Variants in DLC1 observed in about 807,000 individuals in gnomAD.
DLC1 encodes DLC1 Rho GTPase activating protein, also known as rho GTPase-activating protein 7.
A neutral mutation model predicts 140.3 loss-of-function variants in DLC1; 54 were observed. The observed-to-expected ratio is 0.38, with a 90% confidence interval of 0.31 to 0.48. DLC1 has a LOEUF of 0.48. Ranked by LOEUF, DLC1 falls within the 20% of genes least tolerant of loss-of-function variation. The pLI, the probability that DLC1 is intolerant of heterozygous loss-of-function variation, is 0.96. For missense variants in DLC1, 2,536 were observed against 1,907.0 expected, an observed-to-expected ratio of 1.33 and a Z score of -6.14; for synonymous variants, 986 against 728.1, an observed-to-expected ratio of 1.35 and a Z score of -5.70.
intron 5 of DLC1, among the ~76,000 whole-genome samples, chr8:13,256,780 T>G (rs1461600259): frequency 6.6e-6 from 1 of 151,606 alleles, no homozygotes. Context: ...CATGCAGATC[T>G]TAAACCCTAG....
intron 5 of DLC1, among the ~76,000 whole-genome samples, chr8:13,142,980 T>C (rs1261566245): frequency 6.6e-6 from 1 of 151,420 alleles, no homozygotes; most frequent in Non-Finnish European, 1.5e-5. Context: ...ACACCAGAGG[T>C]TGCGGTGAGC....
At chr8:13,402,793 T>G (rs1837357617) in intron 2 of DLC1, among the ~76,000 whole-genome samples, 1 of 152,220 alleles carries the variant, frequency 6.6e-6, no homozygotes, top group South Asian at 2.1e-4. Context: ...TTGCCATTTA[T>G]TTTAATCCTT....
At chr8:13,548,478 G>T (rs1803729699) in intron 1 of DLC1, among the ~76,000 whole-genome samples, 1 of 152,012 alleles carries the variant, frequency 6.6e-6, no homozygotes, top group African/African-American at 2.4e-5. Context: ...TAGGTATGCA[G>T]ATGATAAATA....
At chr8:13,479,862 A>G (rs1346096199) in intron 2 of DLC1, among the ~76,000 whole-genome samples, 475 of 46,454 alleles carry the variant, frequency 0.01, 48 homozygotes, top group Non-Finnish European at 0.023. Context: ...AGAAGAAGAG[A>G]AAAAGAAAGA....
intron 5 of DLC1, among the ~76,000 whole-genome samples, chr8:13,295,821 T>G (rs1337583267): frequency 6.6e-6 from 1 of 152,010 alleles, no homozygotes; most frequent in East Asian, 1.9e-4. Context: ...ACTTTTCTTG[T>G]GGGTACGTAT....
rs189663553 is a variant in DLC1, at chr8:13,159,789, C to A, written c.1349-44132G>T. ...ATGTTCTTCCAGGGAGTGTGTGAATCTGAAGGGCAAGTGGCAAGAAGCAAG... is the reference window on the plus strand; with the variant it reads ...ATGTTCTTCCAGGGAGTGTGTGAATATGAAGGGCAAGTGGCAAGAAGCAAG... On this transcript the variant is annotated intron_variant, in intron 5 of 17. Coordinates refer to ENST00000276297, the MANE Select transcript of DLC1 (RefSeq NM_182643.3). Among the ~76,000 whole-genome samples the A allele has an allele frequency of 2.4e-3, 362 of 150,074 alleles. 3 individuals are homozygous for A. Among genetic ancestry groups the A allele is most frequent in the Middle Eastern group, 3.4e-3 (1 of 290 alleles).
intron 5 of DLC1, among the ~76,000 whole-genome samples, chr8:13,200,721 C>G (rs1827332903): frequency 6.6e-6 from 1 of 152,018 alleles, no homozygotes; most frequent in African/African-American, 2.4e-5. Context: ...CCTCCTACCT[C>G]AGCCTCCTGA....
At chr8:13,396,765 C>G (rs1837060767) in intron 3 of DLC1, among the ~76,000 whole-genome samples, 1 of 152,124 alleles carries the variant, frequency 6.6e-6, no homozygotes, top group African/African-American at 2.4e-5. Context: ...TAGTACAAAT[C>G]TTTATTATTT....
At chr8:13,421,652 T>C (rs1489137065) in intron 2 of DLC1, among the ~76,000 whole-genome samples, 1 of 152,194 alleles carries the variant, frequency 6.6e-6, no homozygotes, top group African/African-American at 2.4e-5. Context: ...GTCTTTGTGG[T>C]ATAATATTTC....
intron 1 of DLC1, among the ~76,000 whole-genome samples, chr8:13,574,476 C>G (rs1804768104): frequency 6.6e-6 from 1 of 151,982 alleles, no homozygotes; most frequent in Non-Finnish European, 1.5e-5. Flanking sequence ...CCATGAGATT[C>G]TAATACAGGT....
chr8:13,398,887 T>C (rs1837169644), intron 3 of DLC1, among the ~76,000 whole-genome samples: 1 of 152,176 alleles, frequency 6.6e-6, no homozygotes, highest in Non-Finnish European at 1.5e-5. Flanking sequence ...GCAGGTGTGA[T>C]GCCGGGACAT....
At chr8:13,118,004 C>CTTTTTTTTTTTT (rs35775672) in intron 5 of DLC1, among the ~76,000 whole-genome samples, 4 of 114,976 alleles carry the variant, frequency 3.5e-5, no homozygotes, top group African/African-American at 1.0e-4. Flanking sequence ...TGTTCTCTTT[C>CTTTTTTTTTTTT]TTTTTTTTTT....
intron 5 of DLC1, among the ~76,000 whole-genome samples, chr8:13,228,762 G>T (rs1423046534): frequency 6.6e-6 from 1 of 152,010 alleles, no homozygotes; most frequent in African/African-American, 2.4e-5. Flanking sequence ...TAAAAACAAT[G>T]GACAAAGGAT....
chr8:13,401,364 A>G (rs903639854), intron 3 of DLC1, 106 bp downstream of exon 3: 1 of 1,406,652 alleles, frequency 7.1e-7, no homozygotes, highest in Non-Finnish European at 9.6e-7. Flanking sequence ...CTGGGGTTAC[A>G]TGTTGTTAGA....
At chr8:13,395,336 T>C (rs1314312832) in intron 3 of DLC1, among the ~76,000 whole-genome samples, 1 of 152,124 alleles carries the variant, frequency 6.6e-6, no homozygotes, top group Non-Finnish European at 1.5e-5. Flanking sequence ...TTGGCCAGAC[T>C]GGTCTCGAAC....
chr8:13,392,675 T>G (rs1836815239), intron 4 of DLC1, among the ~76,000 whole-genome samples: 2 of 152,186 alleles, frequency 1.3e-5, no homozygotes, highest in South Asian at 2.1e-4. Flanking sequence ...AGTAATTACT[T>G]CCTTCATAAG....
At chr8:13,514,519 G>A (rs114471995) in intron 1 of DLC1, 83 bp downstream of exon 1, 1 of 398,152 alleles carries the variant, frequency 2.5e-6, no homozygotes, top group Admixed American at 4.4e-5. Context: ...CACCAACTCC[G>A]TGCAAGATGC....
At chr8:13,588,914 T>C (rs1805422853) in intron 1 of DLC1, among the ~76,000 whole-genome samples, 1 of 152,062 alleles carries the variant, frequency 6.6e-6, no homozygotes, top group Non-Finnish European at 1.5e-5. Context: ...GTCACCTGTT[T>C]AACAAGCTAC....
At chr8:13,375,400 G>A (rs1196275974) in intron 4 of DLC1, among the ~76,000 whole-genome samples, 1 of 152,162 alleles carries the variant, frequency 6.6e-6, no homozygotes, top group Admixed American at 6.5e-5. Context: ...AGCTTAAGGA[G>A]ATTTTGGGTT....
Sources: allele counts gnomAD v4.1 joint callset (sites outside exome capture counted in the v4.1 genomes callset), GRCh38; gene constraint gnomAD v4.1.1; transcripts MANE v1.5; gene names NCBI Gene and HGNC (gene_info 2026-07-23, HGNC 2026-07-21).